Variants in CRPPA observed in about 807,000 individuals in gnomAD.
The protein encoded by CRPPA is D-ribitol-5-phosphate cytidylyltransferase.
In CRPPA, 43 loss-of-function variants were observed where a neutral mutation model predicts 52.0. The observed-to-expected ratio is 0.83, with a 90% CI of 0.65 to 1.07. The LOEUF is 1.07. Among genes scored for constraint, CRPPA ranks in the 50% least tolerant of loss-of-function variants. The pLI is 0.00. For missense variants in CRPPA, 629 were observed against 551.7 expected, an observed-to-expected ratio of 1.14 and a Z score of -1.40; for synonymous variants, 250 against 203.5, an observed-to-expected ratio of 1.23 and a Z score of -1.94.
chr7:16,246,708 T>C (rs1783286056), intron 8 of CRPPA, among the ~76,000 whole-genome samples: 1 of 152,212 alleles, frequency 6.6e-6, no homozygotes, highest in Non-Finnish European at 1.5e-5. Context: ...TAAGCAGTAA[T>C]ATTTTGAAAG....
intron 3 of CRPPA, among the ~76,000 whole-genome samples, chr7:16,344,030 G>A (rs1785938622): frequency 3.3e-5 from 5 of 152,104 alleles, no homozygotes; most frequent in Admixed American, 3.3e-4. Context: ...ATGTAACAAA[G>A]AAAACAGACT....
At chr7:16,158,839 C>T (rs184515435) in intron 9 of CRPPA, among the ~76,000 whole-genome samples, 40 of 152,302 alleles carry the variant, frequency 2.6e-4, no homozygotes, top group African/African-American at 9.6e-4. Flanking sequence ...GGGGATTGTA[C>T]TTCCCAGTCC....
At chr7:16,261,362 G>T (rs866429921) in intron 6 of CRPPA, among the ~76,000 whole-genome samples, 5 of 152,162 alleles carry the variant, frequency 3.3e-5, no homozygotes, top group Middle Eastern at 3.4e-3. Flanking sequence ...CCTTCTGTGA[G>T]AGAAGGAGAT....
intron 9 of CRPPA, among the ~76,000 whole-genome samples, chr7:16,190,492 T>A (rs1562547950): frequency 6.6e-6 from 1 of 152,192 alleles, no homozygotes; most frequent in Non-Finnish European, 1.5e-5. Flanking sequence ...GGCTTCGCTG[T>A]ATAACTGAAA....
At chr7:16,096,006 C>T (rs1029741140) in intron 9 of CRPPA, among the ~76,000 whole-genome samples, 2 of 152,056 alleles carry the variant, frequency 1.3e-5, no homozygotes, top group Non-Finnish European at 2.9e-5. Flanking sequence ...AGAATGAAGA[C>T]GCCTTGGTGA....
intron 9 of CRPPA, among the ~76,000 whole-genome samples, chr7:16,115,270 G>A (rs1398517362): frequency 1.3e-5 from 2 of 152,014 alleles, no homozygotes; most frequent in Non-Finnish European, 2.9e-5. Flanking sequence ...AAGAGATATG[G>A]GTTAGCAATT....
intron 3 of CRPPA, among the ~76,000 whole-genome samples, chr7:16,331,081 ACT>A (rs1362747702): frequency 1.3e-5 from 2 of 151,968 alleles, no homozygotes; most frequent in Admixed American, 6.6e-5. Context: ...CTCACTGCAA[ACT>A]CTGCCTCCCG....
At chr7:16,314,911 G>A (rs1785112188) in intron 3 of CRPPA, among the ~76,000 whole-genome samples, 1 of 151,906 alleles carries the variant, frequency 6.6e-6, no homozygotes, top group African/African-American at 2.4e-5. Flanking sequence ...CTGGATCTTT[G>A]GTTGGTTTCT....
chr7:16,246,219 C>T (rs1307781598), intron 8 of CRPPA, among the ~76,000 whole-genome samples: 3 of 152,150 alleles, frequency 2.0e-5, no homozygotes, highest in East Asian at 1.9e-4. Flanking sequence ...AGTATCTTCA[C>T]CCGAAGTAGA....
chr7:16,167,028 A>G (rs1370032365), intron 9 of CRPPA, among the ~76,000 whole-genome samples: 1 of 150,766 alleles, frequency 6.6e-6, no homozygotes, highest in Non-Finnish European at 1.5e-5. Flanking sequence ...TCCCGGGTTC[A>G]CACCATTGTC....
intron 3 of CRPPA, among the ~76,000 whole-genome samples, chr7:16,371,212 T>C (rs1786740653): frequency 6.6e-6 from 1 of 152,150 alleles, no homozygotes; most frequent in African/African-American, 2.4e-5. Flanking sequence ...TAGCTACAAC[T>C]GGTACCTACC....
chr7:16,119,992 C>A (rs1205849980), intron 9 of CRPPA, among the ~76,000 whole-genome samples: 3 of 152,068 alleles, frequency 2.0e-5, no homozygotes, highest in Non-Finnish European at 4.4e-5. Flanking sequence ...ATTTAGGAAT[C>A]TAGTGGAAGT....
At chr7:16,260,100 C>A (rs1409480333) in intron 6 of CRPPA, among the ~76,000 whole-genome samples, 1 of 151,992 alleles carries the variant, frequency 6.6e-6, no homozygotes, top group East Asian at 1.9e-4. Flanking sequence ...AGTATCCATT[C>A]TGCGATAGTA....
At chr7:16,379,066 G>A (rs1213130757) in intron 2 of CRPPA, among the ~76,000 whole-genome samples, 52 of 152,032 alleles carry the variant, frequency 3.4e-4, no homozygotes, top group South Asian at 1.0e-3. Context: ...TTGCCTGTTC[G>A]CTCTGATGGT....
intron 1 of CRPPA, among the ~76,000 whole-genome samples, chr7:16,420,273 A>G (rs1278914324): frequency 6.6e-6 from 1 of 152,214 alleles, no homozygotes; most frequent in Non-Finnish European, 1.5e-5. Context: ...CAAACACCTT[A>G]GCAAAATTAT....
intron 9 of CRPPA, among the ~76,000 whole-genome samples, chr7:16,191,069 T>A (rs1781599346): frequency 6.6e-6 from 1 of 152,184 alleles, no homozygotes; most frequent in African/African-American, 2.4e-5. Context: ...TGGAAAATTA[T>A]CCAATTGTTA....
chr7:16,222,993 T>G (rs1782562327), intron 8 of CRPPA, among the ~76,000 whole-genome samples: 1 of 152,136 alleles, frequency 6.6e-6, no homozygotes, highest in Non-Finnish European at 1.5e-5. Context: ...CACAATACAT[T>G]AACTCTTGTC....
chr7:16,328,156 T>G (rs1327080768), intron 3 of CRPPA, among the ~76,000 whole-genome samples: 1 of 152,228 alleles, frequency 6.6e-6, no homozygotes, highest in Non-Finnish European at 1.5e-5. Context: ...CATCTTCTGA[T>G]TTGTCCAGGA....
chr7:16,125,120 C>A (rs566588890), intron 9 of CRPPA, among the ~76,000 whole-genome samples: 1 of 151,372 alleles, frequency 6.6e-6, no homozygotes, highest in Non-Finnish European at 1.5e-5. Context: ...ATTAGCCAGG[C>A]ATGGTGGCGC....
Sources: gnomAD v4.1 joint callset for allele counts (sites outside exome capture counted in the v4.1 genomes callset) on GRCh38, gnomAD v4.1.1 for gene constraint, MANE v1.5 for transcripts, NCBI Gene and HGNC (gene_info 2026-07-23, HGNC 2026-07-21) for gene names.